Variants in ZNF365 observed in about 807,000 individuals in gnomAD.
ZNF365 encodes zinc finger protein 365, also known as protein ZNF365.
ZNF365 carries 22 observed loss-of-function variants against 35.0 expected under a neutral mutation model. That is an observed-to-expected ratio of 0.63 (90% CI 0.45 to 0.90). ZNF365 has a LOEUF of 0.90. ZNF365 is among the 40% of genes least tolerant of loss of function. The pLI is 0.00. For missense variants in ZNF365, 448 were observed against 500.3 expected (o/e 0.90, Z 1.00); for synonymous variants, 188 against 196.2 (o/e 0.96, Z 0.35).
At chr10:62,428,262 C>T (rs867464100) in intron 3 of ZNF365, among the ~76,000 whole-genome samples, 1 of 152,132 alleles carries the variant, frequency 6.6e-6, no homozygotes, top group East Asian at 1.9e-4. Flanking sequence ...ATTAGAGAGG[C>T]CTTGATATGG....
rs1839345303 is a variant in ZNF365 at position 62,376,884 on chromosome 10, G to C, written c.691G>C (p.Val231Leu). 6.2e-7 allele frequency: 1 copy of C among 1,614,010 alleles called. No individual in the cohort carries two copies. Among genetic ancestry groups the C allele is most frequent in the Admixed American group, 1.7e-5 (1 of 59,998 alleles). The change falls in exon 2 of 5, where the codon GTA (valine) becomes CTA (leucine). Residue 231 changes from valine (V) to leucine (L), a missense_variant. Coordinates refer to ENST00000395254, the MANE Select transcript of ZNF365 (RefSeq NM_014951.3). ...GGACGTGGCCGTGGAAATGATAGCT[G>C]TACTGAGGCAACGCCTGACGGAATC... ...QVDVAVEMIAVLRQRLTESEE... is the reference protein window; with the variant it reads ...QVDVAVEMIALLRQRLTESEE...
intron 3 of ZNF365, among the ~76,000 whole-genome samples, chr10:62,428,781 G>A (rs1589449694): frequency 6.6e-6 from 1 of 152,160 alleles, no homozygotes; most frequent in Admixed American, 6.6e-5. Context: ...AACGTGGCTT[G>A]TCACTCTAGA....
chr10:62,456,931 T>C (rs1477808328), intron 3 of ZNF365, among the ~76,000 whole-genome samples: 1 of 152,208 alleles, frequency 6.6e-6, no homozygotes, highest in African/African-American at 2.4e-5. Flanking sequence ...TCAGATGATC[T>C]AGATTGGGCT....
intron 3 of ZNF365, among the ~76,000 whole-genome samples, chr10:62,431,206 A>G (rs374259164): frequency 1.3e-5 from 2 of 152,224 alleles, no homozygotes; most frequent in African/African-American, 4.8e-5. Context: ...AAAGAAACAC[A>G]GTGGCTTTCT....
intron 3 of ZNF365, among the ~76,000 whole-genome samples, chr10:62,429,657 TG>T (rs1564586279): frequency 6.6e-6 from 1 of 152,214 alleles, no homozygotes; most frequent in Non-Finnish European, 1.5e-5. Flanking sequence ...TACCACCAAA[TG>T]TCATTTATTC....
At chr10:62,413,982 C>T (rs1174958383) in intron 3 of ZNF365, among the ~76,000 whole-genome samples, 1 of 152,156 alleles carries the variant, frequency 6.6e-6, no homozygotes, top group Non-Finnish European at 1.5e-5. Flanking sequence ...TCACAGGTAG[C>T]AGTCCTCATA....
chr10:62,475,229 C>G (rs1841109448), intron 4 of ZNF365, among the ~76,000 whole-genome samples: 1 of 152,184 alleles, frequency 6.6e-6, no homozygotes, highest in Non-Finnish European at 1.5e-5. Flanking sequence ...GACTGGGGAA[C>G]AGAAGCCTTG....
At chr10:62,418,175 A>G (rs1840104904) in intron 3 of ZNF365, among the ~76,000 whole-genome samples, 3 of 152,068 alleles carry the variant, frequency 2.0e-5, no homozygotes, top group Non-Finnish European at 4.4e-5. Flanking sequence ...TAGTATTGAT[A>G]TTTGAACATC....
intron 3 of ZNF365, among the ~76,000 whole-genome samples, chr10:62,394,079 A>G (rs1839681234): frequency 6.6e-6 from 1 of 152,010 alleles, no homozygotes; most frequent in Admixed American, 6.5e-5. Flanking sequence ...GGTTGAGTAT[A>G]CTTTATCCGA....
chr10:62,434,076 T>G (rs558041975), intron 3 of ZNF365, among the ~76,000 whole-genome samples: 2 of 152,296 alleles, frequency 1.3e-5, no homozygotes, highest in South Asian at 2.1e-4. Flanking sequence ...GGGGCACGTG[T>G]TAAAAAAATC....
intron 3 of ZNF365, among the ~76,000 whole-genome samples, chr10:62,449,172 C>T (rs1840638481): frequency 6.6e-6 from 1 of 152,162 alleles, no homozygotes; most frequent in Non-Finnish European, 1.5e-5. Flanking sequence ...TTGGTTCTTG[C>T]TTATGATACT....
At chr10:62,405,084 C>T (rs1469866964), downstream of ZNF365, among the ~76,000 whole-genome samples, 1 of 152,160 alleles carries the variant, frequency 6.6e-6, no homozygotes, top group East Asian at 1.9e-4. Flanking sequence ...CATCTCACCT[C>T]CCTGAATGTG....
intron 4 of ZNF365, among the ~76,000 whole-genome samples, chr10:62,475,324 T>C (rs1841111602): frequency 6.6e-6 from 1 of 152,192 alleles, no homozygotes; most frequent in Non-Finnish European, 1.5e-5. Flanking sequence ...TCAGGTGCTC[T>C]GGTGGGAGGA....
At chr10:62,390,780 C>T (rs1839614725) in intron 3 of ZNF365, among the ~76,000 whole-genome samples, 1 of 152,174 alleles carries the variant, frequency 6.6e-6, no homozygotes, top group African/African-American at 2.4e-5. Flanking sequence ...GGCTATAAAC[C>T]TGTACAGCAT....
intron 3 of ZNF365, among the ~76,000 whole-genome samples, chr10:62,428,433 A>G (rs1840282814): frequency 6.6e-6 from 1 of 152,124 alleles, no homozygotes; most frequent in Non-Finnish European, 1.5e-5. Context: ...TGATGGTTTT[A>G]TAAGGGGCCT....
chr10:62,410,571 G>T (rs1414714192), intron 3 of ZNF365, among the ~76,000 whole-genome samples: 1 of 152,018 alleles, frequency 6.6e-6, no homozygotes, highest in African/African-American at 2.4e-5. Context: ...CTATGTCTAT[G>T]TGTTCATATT....
intron 3 of ZNF365, among the ~76,000 whole-genome samples, chr10:62,429,084 A>G (rs1275576558): frequency 2.0e-5 from 3 of 152,138 alleles, no homozygotes; most frequent in Admixed American, 6.5e-5. Context: ...TCTATCTCCA[A>G]CTAGATAAGC....
At position 62,400,051 on chromosome 10, in the gene ZNF365, T is replaced by A; in HGVS notation, c.*262T>A. On this transcript the variant is annotated 3_prime_UTR_variant, in exon 5 of 5. Coordinates refer to ENST00000395254, the MANE Select transcript of ZNF365 (RefSeq NM_014951.3). ...AAATCAATCTTAAAGCTCTAACTTC[T>A]AAAGTAACTGGCCCAGTCTCCAGTA... 1 of 1,201,640 alleles carries A rather than the reference T, an allele frequency of 8.3e-7. No homozygotes were observed. Among genetic ancestry groups the A allele is most frequent in the Non-Finnish European group, 1.0e-6 (1 of 965,276 alleles). 74.4% of individuals were successfully genotyped at this position (1,201,640 alleles called of 1,614,324 possible). A position where few individuals can be genotyped will look rare whatever the true frequency, so the allele number is the denominator to read the frequency against.
intron 3 of ZNF365, among the ~76,000 whole-genome samples, chr10:62,457,936 G>A (rs1840786396): frequency 6.6e-6 from 1 of 152,190 alleles, no homozygotes; most frequent in Non-Finnish European, 1.5e-5. Flanking sequence ...CAAAAACAGA[G>A]GGCTTCACTG....
Sources: allele counts gnomAD v4.1 joint callset (sites outside exome capture counted in the v4.1 genomes callset), GRCh38; gene constraint gnomAD v4.1.1; transcripts MANE v1.5; gene names NCBI Gene and HGNC (gene_info 2026-07-23, HGNC 2026-07-21).